Variants in KANK1 observed in about 807,000 individuals in gnomAD.
KANK1 encodes KN motif and ankyrin repeat domains 1, also known as KN motif and ankyrin repeat domain-containing protein 1.
Under a neutral mutation model 106.2 loss-of-function variants are expected in KANK1, and 109 were observed. That is an observed-to-expected ratio of 1.03 (90% confidence interval 0.88 to 1.20). The LOEUF is 1.20. Ranked by LOEUF, KANK1 falls within the 50% of genes most tolerant of loss-of-function variation. The pLI is 0.00. For synonymous variants in KANK1, 873 were observed against 652.2 expected, an observed-to-expected ratio of 1.34 and a Z score of -5.16; for missense variants, 2,399 against 1,710.7, an observed-to-expected ratio of 1.40 and a Z score of -7.10.
At chr9:719,516 TG>T (rs1327407321) in intron 3 of KANK1, among the ~76,000 whole-genome samples, 1 of 152,218 alleles carries the variant, frequency 6.6e-6, no homozygotes, top group Non-Finnish European at 1.5e-5. Flanking sequence ...AGAAAGTTCT[TG>T]GCACTATCAA....
At chr9:682,193 T>G (rs530744473) in intron 2 of KANK1, among the ~76,000 whole-genome samples, 1 of 151,980 alleles carries the variant, frequency 6.6e-6, no homozygotes, top group Admixed American at 6.6e-5. Flanking sequence ...GGCAGGAGAA[T>G]TGCTTGAACC....
At position 594,903 on chromosome 9, in the gene KANK1, A is replaced by G. The variant is rs539964935; in HGVS notation, c.-83-81987A>G. On this transcript the variant is annotated intron_variant, in intron 1 of 11. Transcript: ENST00000382297. The stretch of plus-strand genomic sequence containing the variant: ...TTGATTCAGCCACTGTGTATTGATA[A>G]TGGCTTATTTATTACAATCAGAGGA... Among the ~76,000 whole-genome samples, 5 of 151,958 alleles carry G rather than the reference A, an allele frequency of 3.3e-5. No individual in the cohort carries two copies. The South Asian group carries it at 6.2e-4, about 19-fold the overall frequency.
intron 1 of KANK1, among the ~76,000 whole-genome samples, chr9:642,515 G>A (rs1035683000): frequency 2.0e-5 from 3 of 150,936 alleles, no homozygotes; most frequent in Non-Finnish European, 2.9e-5. Flanking sequence ...TAGTGCATAA[G>A]GTCACTTTTG....
At chr9:732,159 G>C (rs1015231423) in intron 5 of KANK1, 11 of 466,776 alleles carry the variant, frequency 2.4e-5, no homozygotes, top group South Asian at 7.1e-5. Flanking sequence ...AGTGTTACAT[G>C]ATACCAATTG....
chr9:515,261 C>T (rs1305971010), intron 1 of KANK1, among the ~76,000 whole-genome samples: 1 of 150,642 alleles, frequency 6.6e-6, no homozygotes, highest in African/African-American at 2.5e-5. Context: ...AGGAGAATGG[C>T]GTGAACCCAG....
intron 2 of KANK1, among the ~76,000 whole-genome samples, chr9:696,153 G>A (rs113381302): frequency 0.013 from 1,916 of 152,112 alleles, 20 homozygotes; most frequent in Non-Finnish European, 0.018. Flanking sequence ...GCGTGGTGGC[G>A]GGCGCCTGTA....
intron 3 of KANK1, among the ~76,000 whole-genome samples, chr9:718,193 T>G (rs1396372973): frequency 6.6e-6 from 1 of 151,834 alleles, no homozygotes; most frequent in Non-Finnish European, 1.5e-5. Flanking sequence ...GCAATCCAAG[T>G]GTTTCTGGGA....
intron 2 of KANK1, among the ~76,000 whole-genome samples, chr9:686,608 G>A (rs1818638651): frequency 6.6e-6 from 1 of 152,162 alleles, no homozygotes; most frequent in Admixed American, 6.5e-5. Context: ...AAAACACTGT[G>A]ATGCCCTTTG....
chr9:691,894 C>T (rs917632373), intron 2 of KANK1, among the ~76,000 whole-genome samples: 1 of 151,254 alleles, frequency 6.6e-6, no homozygotes, highest in Non-Finnish European at 1.5e-5. Context: ...TGGGATTACA[C>T]GCATGAGCCA....
chr9:652,442 G>C (rs1841110756), intron 1 of KANK1, among the ~76,000 whole-genome samples: 1 of 152,192 alleles, frequency 6.6e-6, no homozygotes, highest in Admixed American at 6.5e-5. Flanking sequence ...AGAATCACTT[G>C]AATCTGGTAG....
intron 2 of KANK1, among the ~76,000 whole-genome samples, chr9:689,175 A>G (rs1339296326): frequency 6.6e-6 from 1 of 152,212 alleles, no homozygotes; most frequent in East Asian, 1.9e-4. Flanking sequence ...AGATGTGACA[A>G]AGGTAATAAC....
At chr9:608,849 G>C (rs1829931705) in intron 1 of KANK1, among the ~76,000 whole-genome samples, 1 of 152,134 alleles carries the variant, frequency 6.6e-6, no homozygotes, top group African/African-American at 2.4e-5. Context: ...CCAATGTTGA[G>C]ACTGAGTGGG....
At chr9:604,508 C>A (rs1828591086) in intron 1 of KANK1, among the ~76,000 whole-genome samples, 1 of 151,716 alleles carries the variant, frequency 6.6e-6, no homozygotes, top group Admixed American at 6.6e-5. Flanking sequence ...AAGAAGAGGT[C>A]CTTGCCTCCC....
chr9:687,532 G>A (rs1438952011), intron 2 of KANK1, among the ~76,000 whole-genome samples: 9 of 152,132 alleles, frequency 5.9e-5, no homozygotes, highest in Non-Finnish European at 1.0e-4. Context: ...GGTACTCAGA[G>A]ACCAGCTGTA....
In KANK1 at chr9:715,169, C is replaced by T. The variant is rs1261957889; in HGVS notation, c.2698+1705C>T. 3.3e-5 allele frequency among the ~76,000 whole-genome samples: 5 copies of T among 152,060 alleles called. No homozygotes were observed. The South Asian group carries it at 8.3e-4, about 25-fold the overall frequency. ...GAAGAAAAAAATGAATATGACAGCT[C>T]ATGTGTGGGGTTTTTGCCTTTTAGA... On this transcript the variant is annotated intron_variant, in intron 3 of 11. Coordinates refer to ENST00000382297, the MANE Select transcript of KANK1 (RefSeq NM_015158.5).
At chr9:491,460 G>T (rs1564119949) in intron 3 of KANK1, among the ~76,000 whole-genome samples, 1 of 151,618 alleles carries the variant, frequency 6.6e-6, no homozygotes, top group Non-Finnish European at 1.5e-5. Flanking sequence ...GTAGAGATGG[G>T]ATTTCACCAT....
At chr9:620,820 A>G (rs1332977791) in intron 1 of KANK1, among the ~76,000 whole-genome samples, 1 of 152,230 alleles carries the variant, frequency 6.6e-6, no homozygotes, top group Non-Finnish European at 1.5e-5. Flanking sequence ...ATTCAGCAAT[A>G]TAAGATTTGA....
intron 3 of KANK1, among the ~76,000 whole-genome samples, chr9:479,293 A>T (rs563844891): frequency 6.6e-6 from 1 of 152,284 alleles, no homozygotes; most frequent in South Asian, 2.1e-4. Flanking sequence ...TTCCAACTCA[A>T]CTGAAGAAAA....
At chr9:598,229 C>G (rs1341252743) in intron 1 of KANK1, among the ~76,000 whole-genome samples, 1 of 151,462 alleles carries the variant, frequency 6.6e-6, no homozygotes, top group Non-Finnish European at 1.5e-5. Flanking sequence ...TATATTTATC[C>G]CTATACTAGT....
Sources: gnomAD v4.1 joint callset for allele counts (sites outside exome capture counted in the v4.1 genomes callset) on GRCh38, gnomAD v4.1.1 for gene constraint, MANE v1.5 for transcripts, NCBI Gene and HGNC (gene_info 2026-07-23, HGNC 2026-07-21) for gene names.